MCFD2: variants seen among roughly 807,000 people sequenced by gnomAD.
MCFD2 encodes the protein multiple coagulation factor deficiency protein 2.
In MCFD2, 11 loss-of-function variants were observed where a neutral mutation model predicts 12.8. The ratio of observed to expected loss-of-function variants is 0.86; its 90% confidence interval spans 0.54 to 1.42. The LOEUF (loss-of-function observed/expected upper bound fraction) is 1.42, where lower values mean the gene tolerates loss of function less well. MCFD2 is among the 40% of genes most tolerant of loss of function. The probability of loss-of-function intolerance (pLI) is 0.00; values close to 1 mark genes in which losing one functional copy is unlikely to be tolerated. For missense variants in MCFD2, 191 were observed against 178.6 expected, an observed-to-expected ratio of 1.07 and a Z score of -0.40; for synonymous variants, 70 against 68.1, an observed-to-expected ratio of 1.03 and a Z score of -0.14.
chr2:46,936,051 A>C (rs527429099), intron 1 of MCFD2, among the ~76,000 whole-genome samples: 1 of 152,326 alleles, frequency 6.6e-6, no homozygotes, highest in African/African-American at 2.4e-5. Flanking sequence ...TGATTGCACC[A>C]TAGCACTCCA....
intron 1 of MCFD2, among the ~76,000 whole-genome samples, chr2:46,921,889 T>A (rs963911678): frequency 2.1e-5 from 3 of 146,080 alleles, no homozygotes; most frequent in Admixed American, 1.4e-4. Context: ...ACAGGAGGCA[T>A]AGCTCAGGTT....
upstream of MCFD2, chr2:46,916,107 G>A: frequency 1.0e-6 from 1 of 985,558 alleles, no homozygotes; most frequent in South Asian, 4.7e-5. Flanking sequence ...GTAGGATGGC[G>A]GATCCGGATG....
intron 1 of MCFD2, among the ~76,000 whole-genome samples, chr2:46,923,360 A>AG (rs1669205291): frequency 6.9e-6 from 1 of 145,414 alleles, no homozygotes; most frequent in Admixed American, 6.8e-5. Flanking sequence ...TGTCATTCTG[A>AG]ATTACCTGGG....
At chr2:46,921,101 G>A (rs1669081564) in intron 1 of MCFD2, among the ~76,000 whole-genome samples, 1 of 152,080 alleles carries the variant, frequency 6.6e-6, no homozygotes, top group Admixed American at 6.5e-5. Context: ...CTTAATATCA[G>A]GAACAAAGCA....
rs764322613 is a variant in MCFD2, at chr2:46,907,882, C to T, written c.237G>A (p.Met79Ile). Residue 79 changes from methionine to isoleucine, a missense_variant, in exon 3 of 4, where the codon ATG becomes ATA. Transcript: ENST00000319466. This position sits in a 1 kb window ranked among gnomAD's most constrained non-coding sequence, Gnocchi z 4.1. ...GCAAATTATTGCCATCATAATCATG[C>T]ATTTTGAAGTAATGGAGCTGCAATT... Reference protein sequence around the residue: ...PQELQLHYFKMHDYDGNNLLD... With the variant: ...PQELQLHYFKIHDYDGNNLLD... The T allele has an allele frequency of 1.2e-6, 2 of 1,614,172 alleles. No homozygotes were observed. Among genetic ancestry groups the T allele is most frequent in the South Asian group, 1.1e-5 (1 of 91,084 alleles).
At chr2:46,930,895 G>A (rs762718888) in intron 1 of MCFD2, among the ~76,000 whole-genome samples, 32 of 151,906 alleles carry the variant, frequency 2.1e-4, no homozygotes, top group Non-Finnish European at 4.6e-4. Context: ...TGAACTCTTT[G>A]GAGAAAAGAA....
chr2:46,916,242 T>C (rs1046690551), upstream of MCFD2: 2 of 887,062 alleles, frequency 2.3e-6, no homozygotes, highest in Middle Eastern at 5.7e-4. Flanking sequence ...TAATTCCTTC[T>C]TGATGAAACG....
chr2:46,941,743 C>T lies in MCFD2; in HGVS notation c.-179G>A, dbSNP rs1443217517. 28 of 1,548,184 alleles carry T rather than the reference C, an allele frequency of 1.8e-5. No individual in the cohort carries two copies. The highest frequency in any genetic ancestry group is 2.3e-5 in the Non-Finnish European group (26 of 1,146,136). ...GGACACCGGTGAGTAAGGGAAGAGG[C>T]TGGCTCGCCGGCAGCGAGCGCGCGA... On this transcript the variant is annotated 5_prime_UTR_variant, in exon 1 of 3. Coordinates refer to the MCFD2 transcript ENST00000409147. This position sits in a 1 kb window ranked among gnomAD's most constrained non-coding sequence, Gnocchi z 4.2.
chr2:46,929,759 A>G (rs1161620131), intron 1 of MCFD2, among the ~76,000 whole-genome samples: 1 of 152,262 alleles, frequency 6.6e-6, no homozygotes, highest in East Asian at 1.9e-4. Flanking sequence ...ATTATTATTC[A>G]CAAAGATTCA....
chr2:46,941,423 C>G lies in MCFD2; in HGVS notation c.-8+149G>C. On this transcript the variant is annotated intron_variant, in intron 1 of 2. Transcript: ENST00000409147. This position sits in a 1 kb window ranked among gnomAD's most constrained non-coding sequence, Gnocchi z 4.2. The stretch of plus-strand genomic sequence containing the variant: ...GCCCGGGCCCCCGCTGCCGCCCGGG[C>G]CCCGGCTGCCGTCTGCGCCCCCGTC... 1 of 1,098,248 alleles carries G rather than the reference C, an allele frequency of 9.1e-7. No individual in the cohort carries two copies. Among genetic ancestry groups the G allele is most frequent in the Non-Finnish European group, 1.2e-6 (1 of 866,944 alleles). 68.0% of individuals were successfully genotyped at this position (1,098,248 alleles called of 1,614,324 possible). A position where few individuals can be genotyped will look rare whatever the true frequency, so the allele number is the denominator to read the frequency against.
chr2:46,916,543 C>G (rs1408222326), upstream of MCFD2: 1 of 153,006 alleles, frequency 6.5e-6, no homozygotes, highest in Non-Finnish European at 1.5e-5. Flanking sequence ...TAATCCTGCC[C>G]TTACACCTGT....
rs576460845 is a variant in MCFD2, at chr2:46,937,564, T to C, written c.-8+4008A>G. On this transcript the variant is annotated intron_variant, in intron 1 of 2. Transcript: ENST00000409147. This position sits in a 1 kb window ranked among gnomAD's most constrained non-coding sequence, Gnocchi z 4.0. ...CAGTAGGGGCCTCAGAAGCAAAACA[T>C]TGGATGAAAAAGTCAGAATGGAAAA... is the stretch of plus-strand genomic sequence containing the variant. Among the ~76,000 whole-genome samples the C allele has an allele frequency of 6.6e-5, 10 of 152,212 alleles. No individual in the cohort carries two copies. Among genetic ancestry groups the C allele is most frequent in the African/African-American group, 2.2e-4 (9 of 41,530 alleles).
rs568744096 is a variant in MCFD2 at position 46,908,821 on chromosome 2, A to G, written c.149+202T>C. ...CAAGTAATGTGCCCCATTTGGGCCT[A>G]AAGATCTTCCACCTGTGATACAATG... On this transcript the variant is annotated intron_variant, in intron 2 of 3. Coordinates refer to ENST00000319466, the MANE Select transcript of MCFD2 (RefSeq NM_139279.6). This position sits in a 1 kb window ranked among gnomAD's most constrained non-coding sequence, Gnocchi z 4.5. The G allele has an allele frequency of 1.7e-5, 12 of 687,776 alleles. No homozygotes were observed. The highest frequency in any genetic ancestry group is 9.1e-5 in the South Asian group (5 of 54,756). The allele number at this position is 687,776 out of a possible 1,614,324, so 42.6% of individuals were successfully genotyped here. A position where few individuals can be genotyped will look rare whatever the true frequency, so the allele number is the denominator to read the frequency against.
At chr2:46,913,182 A>G (rs1027913261) in intron 1 of MCFD2, among the ~76,000 whole-genome samples, 21 of 152,350 alleles carry the variant, frequency 1.4e-4, no homozygotes, top group African/African-American at 4.6e-4. Flanking sequence ...GCAGGTTTCT[A>G]ATCATTGGAA....
chr2:46,940,362 G>A lies in MCFD2; in HGVS notation c.-8+1210C>T, dbSNP rs1309782442. On this transcript the variant is annotated intron_variant, in intron 1 of 2. Coordinates refer to the MCFD2 transcript ENST00000409147. This position sits in a 1 kb window ranked among gnomAD's most constrained non-coding sequence, Gnocchi z 4.7. ...GTTTTTGGTTTCGGGTCTTGCTGTG[G>A]CTTCTCCAGCACTGGTCTGTGAGCT... is the stretch of plus-strand genomic sequence containing the variant. Among the ~76,000 whole-genome samples, 1 of 152,132 alleles carries A rather than the reference G, an allele frequency of 6.6e-6. No homozygotes were observed. The highest frequency in any genetic ancestry group is 1.5e-5 in the Non-Finnish European group (1 of 68,024).
At position 46,905,382 on chromosome 2, in the gene MCFD2, A is replaced by C; in HGVS notation, c.*81T>G. ...AATGCTGCAGCAGTAGTTGGAAATG[A>C]GTTATTTTGCATTACTAAAGTGTTC... is the stretch of plus-strand genomic sequence containing the variant. On this transcript the variant is annotated 3_prime_UTR_variant, in exon 4 of 4. Transcript: ENST00000319466. 1 of 1,498,898 alleles carries C rather than the reference A, an allele frequency of 6.7e-7. No homozygotes were observed. The highest frequency in any genetic ancestry group is 9.3e-7 in the Non-Finnish European group (1 of 1,078,044). 92.8% of individuals were successfully genotyped at this position (1,498,898 alleles called of 1,614,324 possible).
At chr2:46,905,737 A>C in intron 3 of MCFD2, 143 bp from the exon 4 acceptor site, 7 of 852,344 alleles carry the variant, frequency 8.2e-6, no homozygotes, top group African/African-American at 1.7e-5. Flanking sequence ...ACAACAAAAT[A>C]TCCACGCTCA....
intron 1 of MCFD2, among the ~76,000 whole-genome samples, chr2:46,936,663 T>C (rs750880050): frequency 6.6e-6 from 1 of 152,156 alleles, no homozygotes. Context: ...GTCACCCAAA[T>C]GTGTACACTT....
chr2:46,921,542 G>A (rs1374788580), intron 1 of MCFD2, among the ~76,000 whole-genome samples: 3 of 152,140 alleles, frequency 2.0e-5, no homozygotes, highest in African/African-American at 7.2e-5. Flanking sequence ...TTTGTCTCTT[G>A]TCAAAGCATA....
Sources: gnomAD v4.1 joint callset for allele counts (sites outside exome capture counted in the v4.1 genomes callset) on GRCh38, gnomAD v4.1.1 for gene constraint, Gnocchi (gnomAD v3.1) non-coding constraint, MANE v1.5 for transcripts, NCBI Gene and HGNC (gene_info 2026-07-23, HGNC 2026-07-21) for gene names.